The following PRKG1 variants were observed in gnomAD, a reference collection of about 807,000 sequenced individuals.
The protein encoded by PRKG1 is cGMP-dependent protein kinase 1.
PRKG1 carries 35 observed loss-of-function variants against 88.1 expected under a neutral mutation model. The ratio of observed to expected loss-of-function variants is 0.40; its 90% confidence interval spans 0.30 to 0.53. The LOEUF (loss-of-function observed/expected upper bound fraction) is 0.53, where lower values mean the gene tolerates loss of function less well. Among genes scored for constraint, PRKG1 ranks in the 20% least tolerant of loss-of-function variants. The pLI is 0.59. For missense variants in PRKG1, 540 were observed against 839.8 expected, an observed-to-expected ratio of 0.64 and a Z score of 4.41; for synonymous variants, 303 against 292.5, an observed-to-expected ratio of 1.04 and a Z score of -0.37.
intron 2 of PRKG1, among the ~76,000 whole-genome samples, chr10:51,185,284 A>G (rs1365163660): frequency 1.3e-5 from 2 of 152,150 alleles, no homozygotes; most frequent in African/African-American, 4.8e-5. Context: ...TCTATGGTGA[A>G]TATTAAGTCT....
chr10:51,791,588 A>G (rs531414939), intron 3 of PRKG1, among the ~76,000 whole-genome samples: 1 of 152,188 alleles, frequency 6.6e-6, no homozygotes, highest in East Asian at 1.9e-4. Flanking sequence ...TAGAACTATC[A>G]TAGATCTCAG....
intron 5 of PRKG1, among the ~76,000 whole-genome samples, chr10:52,038,837 C>T (rs149806340): frequency 1.3e-5 from 2 of 152,066 alleles, no homozygotes; most frequent in Non-Finnish European, 2.9e-5. Context: ...AAACATGTCT[C>T]CTTTGTCTCT....
At chr10:51,966,166 A>G (rs151030023) in intron 5 of PRKG1, among the ~76,000 whole-genome samples, 59 of 152,292 alleles carry the variant, frequency 3.9e-4, no homozygotes, top group African/African-American at 1.4e-3. Flanking sequence ...GAACCATTTC[A>G]TAGGTGTTTC....
intron 7 of PRKG1, among the ~76,000 whole-genome samples, chr10:52,084,431 T>G (rs1846860482): frequency 6.6e-6 from 1 of 152,048 alleles, no homozygotes; most frequent in Non-Finnish European, 1.5e-5. Context: ...TTTTCACAAA[T>G]TTGAAAAAGT....
At chr10:51,699,937 T>A (rs1361414136) in intron 3 of PRKG1, among the ~76,000 whole-genome samples, 2 of 152,268 alleles carry the variant, frequency 1.3e-5, no homozygotes, top group Non-Finnish European at 1.5e-5. Context: ...AAGGCGGTTT[T>A]GCTTCCGTTC....
rs537169236 is a variant in PRKG1, at chr10:52,037,802, G to A, written c.763-16682G>A. On this transcript the variant is annotated intron_variant, in intron 5 of 17. Coordinates refer to ENST00000373980, the MANE Select transcript of PRKG1 (RefSeq NM_006258.4). ...CTGAGGAAGAATTGGGACCTAGCTC[G>A]GCCTGGCGAGGAGCAGCCTGGGGAG... Among the ~76,000 whole-genome samples the A allele has an allele frequency of 8.4e-3, 1,285 of 152,230 alleles. 19 individuals carry two copies. Among genetic ancestry groups the A allele is most frequent in the Non-Finnish European group, 0.011 (754 of 68,018 alleles).
At chr10:51,253,066 A>G (rs536867613) in intron 2 of PRKG1, among the ~76,000 whole-genome samples, 1 of 151,966 alleles carries the variant, frequency 6.6e-6, no homozygotes, top group African/African-American at 2.4e-5. Flanking sequence ...TTCACTTGCA[A>G]ATTCTGCCCT....
chr10:51,302,316 A>G (rs1840911297), intron 2 of PRKG1, among the ~76,000 whole-genome samples: 1 of 152,208 alleles, frequency 6.6e-6, no homozygotes, highest in South Asian at 2.1e-4. Context: ...GATAATGTAG[A>G]AACAGAATTA....
chr10:51,931,616 G>A (rs969668568), intron 5 of PRKG1, among the ~76,000 whole-genome samples: 3 of 152,096 alleles, frequency 2.0e-5, no homozygotes, highest in Admixed American at 6.6e-5. Flanking sequence ...TCAGTTAAAT[G>A]TATTTCCATC....
intron 3 of PRKG1, among the ~76,000 whole-genome samples, chr10:51,621,968 A>G (rs545294856): frequency 4.3e-4 from 65 of 152,334 alleles, no homozygotes; most frequent in African/African-American, 1.5e-3. Context: ...AAATGTTTGA[A>G]ATACAACTTG....
intron 9 of PRKG1, among the ~76,000 whole-genome samples, chr10:52,204,557 G>A (rs1036065563): frequency 2.4e-4 from 37 of 152,036 alleles, no homozygotes; most frequent in Admixed American, 6.6e-4. Context: ...AATTTCTTAC[G>A]CCTGTCTTTA....
intron 3 of PRKG1, among the ~76,000 whole-genome samples, chr10:51,528,850 G>A (rs1044433220): frequency 6.6e-6 from 1 of 152,020 alleles, no homozygotes; most frequent in African/African-American, 2.4e-5. Flanking sequence ...TAGAAGCCTT[G>A]AAACAATAGT....
chr10:52,290,595 C>G (rs1842217243), intron 17 of PRKG1, among the ~76,000 whole-genome samples: 1 of 151,896 alleles, frequency 6.6e-6, no homozygotes, highest in African/African-American at 2.4e-5. Flanking sequence ...GAAATGCAGA[C>G]AAAAATATAT....
At chr10:51,784,344 A>G (rs761831090) in intron 3 of PRKG1, among the ~76,000 whole-genome samples, 1 of 152,102 alleles carries the variant, frequency 6.6e-6, no homozygotes, top group African/African-American at 2.4e-5. Context: ...TGGTATTTCA[A>G]TGCAGTACAC....
At chr10:51,116,676 A>T (rs192540734) in intron 1 of PRKG1, among the ~76,000 whole-genome samples, 2 of 152,330 alleles carry the variant, frequency 1.3e-5, no homozygotes, top group East Asian at 3.9e-4. Context: ...GGATGATGGT[A>T]GGAAGCATTT....
chr10:51,507,529 G>A (rs1034358863), intron 3 of PRKG1, among the ~76,000 whole-genome samples: 1 of 152,104 alleles, frequency 6.6e-6, no homozygotes, highest in Non-Finnish European at 1.5e-5. Flanking sequence ...TGTATCATGA[G>A]TACAGTGTTT....
At chr10:52,069,299 G>A (rs1309652270) in intron 7 of PRKG1, among the ~76,000 whole-genome samples, 1 of 152,118 alleles carries the variant, frequency 6.6e-6, no homozygotes, top group Non-Finnish European at 1.5e-5. Context: ...GGTAGGCTGA[G>A]GCAGGCAAAC....
intron 7 of PRKG1, among the ~76,000 whole-genome samples, chr10:52,120,165 T>C (rs1205048215): frequency 4.6e-5 from 7 of 152,144 alleles, no homozygotes; most frequent in African/African-American, 1.7e-4. Flanking sequence ...AGTAAGGACA[T>C]TAATTCATTC....
rs111914951 is a variant in PRKG1 at position 51,686,093 on chromosome 10, G to A, written c.593-118492G>A. ...GATAAGCCTCTTTTTTCCTCTACCCGGAATAATCCAGCTTGAATTCCTCAG... is the reference window on the plus strand; with the variant it reads ...GATAAGCCTCTTTTTTCCTCTACCCAGAATAATCCAGCTTGAATTCCTCAG... On this transcript the variant is annotated intron_variant, in intron 3 of 17. Coordinates refer to ENST00000373980, the MANE Select transcript of PRKG1 (RefSeq NM_006258.4). Among the ~76,000 whole-genome samples, 449 of 152,164 alleles carry A rather than the reference G, an allele frequency of 3.0e-3. 5 individuals are homozygous for A. Among genetic ancestry groups the A allele is most frequent in the African/African-American group, 0.01 (433 of 41,526 alleles).
Sources: allele counts gnomAD v4.1 joint callset (sites outside exome capture counted in the v4.1 genomes callset), GRCh38; gene constraint gnomAD v4.1.1; transcripts MANE v1.5; gene names NCBI Gene and HGNC (gene_info 2026-07-23, HGNC 2026-07-21).